FAM114A1: variants seen among roughly 807,000 people sequenced by gnomAD.
The protein encoded by FAM114A1 is family with sequence similarity 114 member A1.
In FAM114A1, 62 loss-of-function variants were observed where a neutral mutation model predicts 64.3. The ratio of observed to expected loss-of-function variants is 0.96; its 90% CI spans 0.79 to 1.19. The LOEUF is 1.19. Among genes scored for constraint, FAM114A1 ranks in the 50% most tolerant of loss-of-function variants. FAM114A1 has a pLI of 0.00. For synonymous variants in FAM114A1, 254 were observed against 251.1 expected, an observed-to-expected ratio of 1.01 and a Z score of -0.11; for missense variants, 645 against 676.3, an observed-to-expected ratio of 0.95 and a Z score of 0.51.
chr4:38,913,024 A>G (rs1394141013), intron 7 of FAM114A1, among the ~76,000 whole-genome samples: 1 of 152,220 alleles, frequency 6.6e-6, no homozygotes, highest in Non-Finnish European at 1.5e-5. Context: ...CTTGGCAGAT[A>G]ACCTCGAGAA....
chr4:38,913,472 C>T (rs891122438), intron 7 of FAM114A1, among the ~76,000 whole-genome samples: 2 of 152,180 alleles, frequency 1.3e-5, no homozygotes, highest in East Asian at 3.9e-4. Flanking sequence ...AGTCTCGGCT[C>T]ACTGCGCCTC....
At chr4:38,868,970 G>A (rs1395757312) in intron 2 of FAM114A1, among the ~76,000 whole-genome samples, 1 of 152,230 alleles carries the variant, frequency 6.6e-6, no homozygotes, top group Non-Finnish European at 1.5e-5. Flanking sequence ...GTGAGACAGT[G>A]CAGAAGGAAT....
At chr4:38,935,661 G>A in intron 12 of FAM114A1, 57 bp from the exon 13 acceptor site, 2 of 1,274,936 alleles carry the variant, frequency 1.6e-6, no homozygotes, top group Non-Finnish European at 2.2e-6. Flanking sequence ...GGTCGTGACA[G>A]TTAAATTATT....
chr4:38,868,298 G>C (rs1713660806), intron 1 of FAM114A1, 100 bp from the exon 2 acceptor site: 2 of 154,514 alleles, frequency 1.3e-5, no homozygotes, highest in Non-Finnish European at 1.5e-5. Flanking sequence ...GTCCCTGTAA[G>C]ACAGAGGCCT....
chr4:38,929,088 A>G (rs1720402129), intron 9 of FAM114A1, 154 bp from the exon 10 acceptor site: 14 of 629,892 alleles, frequency 2.2e-5, no homozygotes, highest in Non-Finnish European at 3.2e-5. Context: ...ATGCTCACGA[A>G]TGGAAGACAT....
intron 7 of FAM114A1, among the ~76,000 whole-genome samples, chr4:38,912,842 A>G (rs1718688961): frequency 6.6e-6 from 1 of 152,096 alleles, no homozygotes; most frequent in African/African-American, 2.4e-5. Context: ...ATTTTATTTT[A>G]CCACCACCAA....
At chr4:38,891,249 G>A (rs974281220) in intron 3 of FAM114A1, among the ~76,000 whole-genome samples, 14 of 152,070 alleles carry the variant, frequency 9.2e-5, no homozygotes, top group African/African-American at 2.9e-4. Flanking sequence ...CCCATCCATC[G>A]CCAGGTGTAT....
At chr4:38,943,191 C>CA (rs1255932256) in intron 14 of FAM114A1, among the ~76,000 whole-genome samples, 16,143 of 88,450 alleles carry the variant, frequency 0.18, 1,222 homozygotes, top group Middle Eastern at 0.33. Flanking sequence ...GACTCTGTCT[C>CA]AAAAAAAAAA....
intron 3 of FAM114A1, among the ~76,000 whole-genome samples, chr4:38,881,083 G>T (rs1022123257): frequency 6.6e-6 from 1 of 152,046 alleles, no homozygotes. Context: ...TGCTTGGGAG[G>T]CTGAGGCAGG....
chr4:38,930,843 G>T (rs991600823), intron 10 of FAM114A1, among the ~76,000 whole-genome samples: 8 of 152,142 alleles, frequency 5.3e-5, no homozygotes, highest in Admixed American at 5.2e-4. Flanking sequence ...CACAGAGTGC[G>T]TAAACTGCAC....
Position 38,905,532 on chromosome 4 carries a change from G to C in FAM114A1, c.447G>C (p.Leu149Phe). Residue 149 changes from leucine (L) to phenylalanine (F), a missense_variant, in exon 5 of 15, where the codon TTG (leucine) becomes TTC (phenylalanine). By Grantham distance (22) the Leu-to-Phe change is conservative. Transcript: ENST00000358869. ...TTTTATTTCCAACAGGTCATGGATTGACGGCAGTCAAGGAAAAAGCAGGAG... is the reference window on the plus strand; with the variant it reads ...TTTTATTTCCAACAGGTCATGGATTCACGGCAGTCAAGGAAAAAGCAGGAG... ...SSASATVGHGLTAVKEKAGAT... is the reference protein window; with the variant it reads ...SSASATVGHGFTAVKEKAGAT... 6.2e-7 allele frequency: 1 copy of C among 1,613,762 alleles called. No homozygotes were observed. The highest frequency in any genetic ancestry group is 8.5e-7 in the Non-Finnish European group (1 of 1,179,756).
chr4:38,911,854 C>CTTTTTTTTTTTTTTTTTTT (rs1560313013), intron 7 of FAM114A1, among the ~76,000 whole-genome samples: 1 of 94,436 alleles, frequency 1.1e-5, no homozygotes, highest in African/African-American at 4.2e-5. Flanking sequence ...CTTTTTTTTT[C>CTTTTTTTTTTTTTTTTTTT]TTTTTTCTTT....
At chr4:38,935,281 G>A (rs1313529496) in intron 12 of FAM114A1, among the ~76,000 whole-genome samples, 1 of 152,064 alleles carries the variant, frequency 6.6e-6, no homozygotes, top group Non-Finnish European at 1.5e-5. Flanking sequence ...TAACCCATAA[G>A]GTCACCCTGA....
intron 7 of FAM114A1, 57 bp downstream of exon 7, chr4:38,908,783 T>G (rs1718269262): frequency 2.8e-5 from 41 of 1,449,206 alleles, no homozygotes; most frequent in Non-Finnish European, 3.2e-5. Context: ...AATAAATTTT[T>G]TATTTATCTT....
At chr4:38,871,965 G>GGT (rs1372212367) in intron 2 of FAM114A1, among the ~76,000 whole-genome samples, 2 of 152,198 alleles carry the variant, frequency 1.3e-5, no homozygotes, top group African/African-American at 4.8e-5. Flanking sequence ...CTACTCCAAA[G>GGT]GGTAAGTCAG....
chr4:38,936,958 G>C (rs535534477), intron 13 of FAM114A1, among the ~76,000 whole-genome samples: 1 of 152,262 alleles, frequency 6.6e-6, no homozygotes, highest in African/African-American at 2.4e-5. Context: ...AGTCTGAAAG[G>C]CTCAGCATTT....
intron 7 of FAM114A1, among the ~76,000 whole-genome samples, chr4:38,909,095 TC>T (rs1268362115): frequency 1.3e-5 from 2 of 152,246 alleles, no homozygotes; most frequent in Admixed American, 1.3e-4. Context: ...ACACTCTTGT[TC>T]CTTGCTTAAT....
At chr4:38,924,918 AAG>A (rs1719968403) in intron 9 of FAM114A1, among the ~76,000 whole-genome samples, 1 of 152,200 alleles carries the variant, frequency 6.6e-6, no homozygotes, top group African/African-American at 2.4e-5. Flanking sequence ...AAAGGACAAA[AAG>A]AGAATCCCAG....
chr4:38,874,357 G>C lies in FAM114A1; in HGVS notation c.-8-3714G>C, dbSNP rs574879137. On this transcript the variant is annotated intron_variant, in intron 2 of 14. Coordinates refer to ENST00000358869, the MANE Select transcript of FAM114A1 (RefSeq NM_138389.4). Reference sequence around the variant, plus strand: ...GTAAATGACAGCTCTGAGTTATTGGGAAAATCTATGTGTGAGATGGTGTCT... The same window carrying C: ...GTAAATGACAGCTCTGAGTTATTGGCAAAATCTATGTGTGAGATGGTGTCT... Among the ~76,000 whole-genome samples the C allele has an allele frequency of 2.0e-5, 3 of 152,212 alleles. No individual in the cohort carries two copies. The South Asian group carries it at 6.2e-4, about 32-fold the overall frequency.
Sources: allele counts gnomAD v4.1 joint callset (sites outside exome capture counted in the v4.1 genomes callset), GRCh38; gene constraint gnomAD v4.1.1; transcripts MANE v1.5; gene names NCBI Gene and HGNC (gene_info 2026-07-23, HGNC 2026-07-21).